The following RIPK2 variants were observed in gnomAD, a reference collection of about 807,000 sequenced individuals.
The protein encoded by RIPK2 is receptor interacting serine/threonine kinase 2.
A neutral mutation model predicts 60.9 loss-of-function variants in RIPK2; 38 were observed. That is an observed-to-expected ratio of 0.62 (90% CI 0.48 to 0.82). The LOEUF (loss-of-function observed/expected upper bound fraction) is 0.82. Among genes scored for constraint, RIPK2 ranks in the 40% least tolerant of loss-of-function variants. The pLI is 0.00. For missense variants in RIPK2, 518 were observed against 647.0 expected (o/e 0.80, Z 2.16); for synonymous variants, 225 against 223.4 (o/e 1.01, Z -0.06).
At chr8:89,761,425 T>C (rs1809143449) in intron 1 of RIPK2, among the ~76,000 whole-genome samples, 1 of 152,176 alleles carries the variant, frequency 6.6e-6, no homozygotes, top group Non-Finnish European at 1.5e-5. Context: ...GGGCATTCTA[T>C]TCACTTAGTG....
intron 7 of RIPK2, among the ~76,000 whole-genome samples, chr8:89,781,354 ATT>A (rs58525879): frequency 3.5e-5 from 5 of 143,952 alleles, no homozygotes; most frequent in Admixed American, 2.1e-4. Context: ...AATAGATTGA[ATT>A]TTTTTTTTTT....
chr8:89,765,603 G>C, intron 3 of RIPK2, 107 bp downstream of exon 3: 1 of 631,742 alleles, frequency 1.6e-6, no homozygotes, highest in Non-Finnish European at 2.6e-6. Flanking sequence ...CTTAGAGATA[G>C]AGACTAATGA....
intron 8 of RIPK2, among the ~76,000 whole-genome samples, chr8:89,784,803 C>A (rs953881313): frequency 1.3e-5 from 2 of 152,166 alleles, no homozygotes; most frequent in Admixed American, 1.3e-4. Flanking sequence ...ATTTGGCTCA[C>A]AATTCTGGTA....
chr8:89,766,414 T>C (rs933011260), intron 3 of RIPK2, among the ~76,000 whole-genome samples: 4 of 151,866 alleles, frequency 2.6e-5, no homozygotes, highest in African/African-American at 9.7e-5. Context: ...TCCAACTATT[T>C]TCCAGAGTGG....
At chr8:89,769,751 A>G (rs1312715584) in intron 3 of RIPK2, 21 bp from the exon 4 acceptor site, 8 of 1,481,416 alleles carry the variant, frequency 5.4e-6, no homozygotes, top group Non-Finnish European at 6.3e-6. Context: ...TTTCTTAATT[A>G]TTTGCTCTTG....
At chr8:89,785,711 T>A (rs1225714219) in intron 8 of RIPK2, among the ~76,000 whole-genome samples, 1 of 152,190 alleles carries the variant, frequency 6.6e-6, no homozygotes, top group Non-Finnish European at 1.5e-5. Context: ...GCATAGTATA[T>A]CACATTTTTA....
intron 7 of RIPK2, among the ~76,000 whole-genome samples, chr8:89,781,560 C>T (rs1809501255): frequency 1.3e-5 from 2 of 151,818 alleles, no homozygotes; most frequent in Admixed American, 1.3e-4. Flanking sequence ...ATTTTTTCCA[C>T]TCAGGATTGT....
chr8:89,774,837 A>G (rs571675959), intron 6 of RIPK2, among the ~76,000 whole-genome samples: 1 of 152,288 alleles, frequency 6.6e-6, no homozygotes, highest in South Asian at 2.1e-4. Flanking sequence ...GGAAGAAGAA[A>G]AAGGATTAAG....
At chr8:89,774,007 G>A (rs1021131503) in intron 6 of RIPK2, among the ~76,000 whole-genome samples, 1 of 152,030 alleles carries the variant, frequency 6.6e-6, no homozygotes, top group Non-Finnish European at 1.5e-5. Flanking sequence ...TTGAGCCCAG[G>A]AGTTTGAGGA....
chr8:89,786,791 T>G, intron 9 of RIPK2, 105 bp downstream of exon 9: 1 of 705,976 alleles, frequency 1.4e-6, no homozygotes, highest in South Asian at 1.6e-5. Context: ...AATTTGCATA[T>G]ATAACTCATT....
At chr8:89,785,702 C>G (rs1809575250) in intron 8 of RIPK2, among the ~76,000 whole-genome samples, 1 of 152,086 alleles carries the variant, frequency 6.6e-6, no homozygotes, top group Non-Finnish European at 1.5e-5. Context: ...AACCTTAAAG[C>G]ATAGTATATC....
At position 89,758,030 on chromosome 8, in the gene RIPK2, A is replaced by G; in HGVS notation, c.-31A>G. ...CTTGGGAGCCGCCGCAGCAGGGGGC[A>G]CACCCGGAACCGGCCTGAGCGCCCG... On this transcript the variant is annotated 5_prime_UTR_variant, in exon 1 of 11. Coordinates refer to ENST00000220751, the MANE Select transcript of RIPK2 (RefSeq NM_003821.6). 1 of 1,536,156 alleles carries G rather than the reference A, an allele frequency of 6.5e-7. No homozygotes were observed. The highest frequency in any genetic ancestry group is 8.8e-7 in the Non-Finnish European group (1 of 1,138,204).
At chr8:89,767,365 G>A (rs1809245928) in intron 3 of RIPK2, among the ~76,000 whole-genome samples, 2 of 151,578 alleles carry the variant, frequency 1.3e-5, no homozygotes, top group Admixed American at 6.6e-5. Context: ...TATAAAAAAT[G>A]TTCAAAGAAA....
chr8:89,783,627 A>G (rs1809535947), intron 7 of RIPK2, among the ~76,000 whole-genome samples: 1 of 152,208 alleles, frequency 6.6e-6, no homozygotes, highest in African/African-American at 2.4e-5. Flanking sequence ...TAATAATAGT[A>G]CTTACAGGCA....
intron 6 of RIPK2, among the ~76,000 whole-genome samples, chr8:89,773,080 C>A (rs1382518636): frequency 6.6e-6 from 1 of 152,044 alleles, no homozygotes; most frequent in Non-Finnish European, 1.5e-5. Context: ...ATGTCTTAAA[C>A]CCCTACCATG....
rs187838119 is a variant in RIPK2, at chr8:89,788,066, A to G, written c.1124-1255A>G. Among the ~76,000 whole-genome samples, 97 of 152,266 alleles carry G rather than the reference A, an allele frequency of 6.4e-4. 1 individual carries two copies. In the East Asian group the frequency reaches 0.018, roughly 28 times the overall value. ...AGAAATAGAAGTTAAAACAGGCTGC[A>G]TGCGGTGGCTCACACCTGTAATCCC... On this transcript the variant is annotated intron_variant, in intron 9 of 10. Coordinates refer to ENST00000220751, the MANE Select transcript of RIPK2 (RefSeq NM_003821.6).
chr8:89,790,559 G>A lies in RIPK2; in HGVS notation c.*143G>A, dbSNP rs1809661170. 3 of 554,076 alleles carry A rather than the reference G, an allele frequency of 5.4e-6. No individual in the cohort carries two copies. The South Asian group carries it at 1.0e-4, about 19-fold the overall frequency. 34.3% of individuals were successfully genotyped at this position (554,076 alleles called of 1,614,324 possible). ...AATATTAGTCTCCCTCCATGACACT[G>A]CAGTATTTTTTTTAATTAATACAAG... On this transcript the variant is annotated 3_prime_UTR_variant, in exon 11 of 11. Coordinates refer to ENST00000220751, the MANE Select transcript of RIPK2 (RefSeq NM_003821.6).
At chr8:89,780,338 G>T in intron 7 of RIPK2, 178 bp downstream of exon 7, 2 of 357,254 alleles carry the variant, frequency 5.6e-6, no homozygotes, top group Non-Finnish European at 1.0e-5. Context: ...GTCACCAAAA[G>T]CTTTTCTATT....
chr8:89,784,147 A>AAG lies in RIPK2; in HGVS notation c.1029+9_1029+10insGA. 1 of 1,080,190 alleles carries AAG rather than the reference A, an allele frequency of 9.3e-7. No homozygotes were observed. Among genetic ancestry groups the AAG allele is most frequent in the East Asian group, 2.6e-5 (1 of 38,142 alleles). 66.9% of individuals were successfully genotyped at this position (1,080,190 alleles called of 1,614,324 possible). A position where few individuals can be genotyped will look rare whatever the true frequency, so the allele number is the denominator to read the frequency against. ...AATCATGGTCCACAAGAGGTAAAAA[A>AAG]AAAAAAAAAAAAAAAAAGGTTATAT... On this transcript the variant is annotated intron_variant, in intron 8 of 10. Transcript: ENST00000220751.
Sources: gnomAD v4.1 joint callset for allele counts (sites outside exome capture counted in the v4.1 genomes callset) on GRCh38, gnomAD v4.1.1 for gene constraint, MANE v1.5 for transcripts, NCBI Gene and HGNC (gene_info 2026-07-23, HGNC 2026-07-21) for gene names.